Variants in CNNM2 observed in about 807,000 individuals in gnomAD.
The protein encoded by CNNM2 is cyclin and CBS domain divalent metal cation transport mediator 2.
In CNNM2, 12 loss-of-function variants were observed where a neutral mutation model predicts 66.9. The observed-to-expected ratio is 0.18, with a 90% CI of 0.11 to 0.29. The LOEUF is 0.29. Among genes scored for constraint, CNNM2 ranks in the 10% least tolerant of loss-of-function variants. The probability of loss-of-function intolerance (pLI) is 1.00; values close to 1 mark genes in which losing one functional copy is unlikely to be tolerated. For missense variants in CNNM2, 705 were observed against 1,167.7 expected (o/e 0.60, Z 5.77); for synonymous variants, 557 against 501.8 (o/e 1.11, Z -1.47).
At chr10:102,953,381 T>A (rs1846913307) in intron 1 of CNNM2, among the ~76,000 whole-genome samples, 1 of 152,004 alleles carries the variant, frequency 6.6e-6, no homozygotes, top group Non-Finnish European at 1.5e-5. Flanking sequence ...CTCAGCCTCC[T>A]GAGTAGCTGG....
chr10:102,961,040 G>A (rs1172028517), intron 1 of CNNM2, among the ~76,000 whole-genome samples: 1 of 151,898 alleles, frequency 6.6e-6, no homozygotes, highest in Non-Finnish European at 1.5e-5. Context: ...ACCACACCTA[G>A]CTAATTTTTG....
chr10:102,928,895 C>A (rs1190657297), intron 1 of CNNM2, among the ~76,000 whole-genome samples: 1 of 152,212 alleles, frequency 6.6e-6, no homozygotes, highest in Admixed American at 6.5e-5. Flanking sequence ...ATTCTCTTGA[C>A]TGGAGCCTGA....
intron 1 of CNNM2, among the ~76,000 whole-genome samples, chr10:103,007,117 G>T (rs12766187): frequency 6.6e-6 from 1 of 152,006 alleles, no homozygotes; most frequent in African/African-American, 2.4e-5. Flanking sequence ...ATCACATATC[G>T]GTAGGACCGT....
chr10:103,017,963 C>CAAAA (rs59984156), intron 1 of CNNM2, among the ~76,000 whole-genome samples: 33 of 78,860 alleles, frequency 4.2e-4, no homozygotes, highest in South Asian at 3.0e-3. Flanking sequence ...GAATCTGTCT[C>CAAAA]AAAAAAAAAA....
chr10:102,924,069 A>T (rs1352933423), intron 1 of CNNM2, among the ~76,000 whole-genome samples: 1 of 152,152 alleles, frequency 6.6e-6, no homozygotes, highest in East Asian at 1.9e-4. Context: ...TGTGTGTGTT[A>T]GTTTTGTAGT....
intron 1 of CNNM2, chr10:102,920,938 A>G (rs1345995108): frequency 4.2e-6 from 1 of 238,244 alleles, no homozygotes; most frequent in Admixed American, 6.5e-5. Context: ...TAACAGTGGG[A>G]TGAATCCCTC....
chr10:103,086,299 T>C lies in CNNM2; in HGVS notation c.*9119T>C, dbSNP rs763506544. On this transcript the variant is annotated 3_prime_UTR_variant, in exon 8 of 8. Coordinates refer to ENST00000369878, the MANE Select transcript of CNNM2 (RefSeq NM_017649.5). ...AGATCATCATGAGAAACATAAGTAT[T>C]TGAGCCCTAAACTACTAAGCCCAGT... 6.6e-6 allele frequency: 1 copy of C among 152,236 alleles called. No homozygotes were observed. Among genetic ancestry groups the C allele is most frequent in the Non-Finnish European group, 1.5e-5 (1 of 68,036 alleles). 9.4% of individuals were successfully genotyped at this position (152,236 alleles called of 1,614,324 possible).
intron 6 of CNNM2, among the ~76,000 whole-genome samples, chr10:103,074,566 C>T (rs905453444): frequency 4.6e-5 from 7 of 152,088 alleles, no homozygotes; most frequent in African/African-American, 1.7e-4. Flanking sequence ...GGCACGGTGG[C>T]TCACGCCTGT....
intron 4 of CNNM2, among the ~76,000 whole-genome samples, chr10:103,065,835 A>G (rs1276934168): frequency 6.6e-6 from 1 of 152,214 alleles, no homozygotes; most frequent in East Asian, 1.9e-4. Flanking sequence ...GGAGACATGT[A>G]CCGTGGCTAC....
At chr10:103,007,735 T>C (rs1590385163) in intron 1 of CNNM2, among the ~76,000 whole-genome samples, 1 of 152,252 alleles carries the variant, frequency 6.6e-6, no homozygotes, top group East Asian at 1.9e-4. Context: ...TTTTTCAAGG[T>C]GCACTGATTT....
intron 1 of CNNM2, among the ~76,000 whole-genome samples, chr10:103,014,987 A>ACT (rs1564845729): frequency 1.3e-5 from 2 of 152,236 alleles, no homozygotes; most frequent in Admixed American, 1.3e-4. Flanking sequence ...AGGCACTTCA[A>ACT]ACTTCTTCCA....
chr10:102,966,018 C>T (rs776911204), intron 1 of CNNM2, among the ~76,000 whole-genome samples: 1 of 152,082 alleles, frequency 6.6e-6, no homozygotes, highest in Non-Finnish European at 1.5e-5. Context: ...GAATTTTATG[C>T]TGGTTGAAAT....
At chr10:103,027,432 C>T (rs909281171) in intron 1 of CNNM2, 4 of 152,208 alleles carry the variant, frequency 2.6e-5, no homozygotes, top group Non-Finnish European at 5.9e-5. Flanking sequence ...CTGCCTCATC[C>T]AGTAAGCGGG....
intron 1 of CNNM2, among the ~76,000 whole-genome samples, chr10:102,985,664 C>T (rs2063786014): frequency 6.6e-6 from 1 of 152,220 alleles, no homozygotes; most frequent in Non-Finnish European, 1.5e-5. Context: ...TTCCTAGGGG[C>T]TAGATAAGTA....
At chr10:103,016,221 A>G (rs1311714630) in intron 1 of CNNM2, among the ~76,000 whole-genome samples, 1 of 151,976 alleles carries the variant, frequency 6.6e-6, no homozygotes, top group African/African-American at 2.4e-5. Context: ...TGTTAGATAC[A>G]TTAGTGATTT....
chr10:103,013,298 GTC>G (rs2064380897), intron 1 of CNNM2, among the ~76,000 whole-genome samples: 3 of 152,154 alleles, frequency 2.0e-5, no homozygotes. Flanking sequence ...GGGATAAATA[GTC>G]TCTTCTTCAC....
chr10:103,023,519 G>A (rs1450027316), intron 1 of CNNM2, among the ~76,000 whole-genome samples: 1 of 152,124 alleles, frequency 6.6e-6, no homozygotes, highest in Non-Finnish European at 1.5e-5. Flanking sequence ...TTGCACTCCA[G>A]CCTGGGCGAC....
intron 1 of CNNM2, among the ~76,000 whole-genome samples, chr10:102,964,043 A>T (rs1253849041): frequency 1.3e-5 from 2 of 152,254 alleles, no homozygotes; most frequent in African/African-American, 2.4e-5. Flanking sequence ...ATGTTTGTAT[A>T]TCAATCCCTT....
At position 103,080,326 on chromosome 10, in the gene CNNM2, G is replaced by C. The variant is rs951432411; in HGVS notation, c.*3146G>C. Reference sequence around the variant, plus strand: ...CTCTGCCTGCTCTGTAAATGAGGAGGGCTTTTCTCCTGCTGTTTGGAGGTT... The same window carrying C: ...CTCTGCCTGCTCTGTAAATGAGGAGCGCTTTTCTCCTGCTGTTTGGAGGTT... On this transcript the variant is annotated 3_prime_UTR_variant, in exon 8 of 8. Coordinates refer to ENST00000369878, the MANE Select transcript of CNNM2 (RefSeq NM_017649.5). The C allele has an allele frequency of 2.6e-5, 4 of 152,316 alleles. No individual in the cohort carries two copies. Among genetic ancestry groups the C allele is most frequent in the African/African-American group, 9.6e-5 (4 of 41,544 alleles). The allele number at this position is 152,316 out of a possible 1,614,324, so 9.4% of individuals were successfully genotyped here. A position where few individuals can be genotyped will look rare whatever the true frequency, so the allele number is the denominator to read the frequency against.
Sources: gnomAD v4.1 joint callset for allele counts (sites outside exome capture counted in the v4.1 genomes callset) on GRCh38, gnomAD v4.1.1 for gene constraint, MANE v1.5 for transcripts, NCBI Gene and HGNC (gene_info 2026-07-23, HGNC 2026-07-21) for gene names.